GLT8D1: variants seen among roughly 807,000 people sequenced by gnomAD.
GLT8D1 encodes the protein glycosyltransferase 8 domain containing 1.
GLT8D1 carries 41 observed loss-of-function variants against 46.2 expected under a neutral mutation model. The observed-to-expected ratio is 0.89, with a 90% CI of 0.69 to 1.15. The LOEUF is 1.15. GLT8D1 is among the 50% of genes most tolerant of loss of function. GLT8D1 has a pLI of 0.00. For synonymous variants in GLT8D1, 150 were observed against 154.2 expected, an observed-to-expected ratio of 0.97 and a Z score of 0.20; for missense variants, 408 against 449.3, an observed-to-expected ratio of 0.91 and a Z score of 0.83.
At position 52,698,056 on chromosome 3, in the gene GLT8D1, C is replaced by T. The variant is rs1578589299; in HGVS notation, c.116-122G>A. Reference sequence around the variant, plus strand: ...ATCTACCTCATTCTCCCCCATTAAACTGAAGCATATAGCCCTGAAACTTTC... The same window carrying T: ...ATCTACCTCATTCTCCCCCATTAAATTGAAGCATATAGCCCTGAAACTTTC... On this transcript the variant is annotated intron_variant, in intron 3 of 9. Coordinates refer to ENST00000266014, the MANE Select transcript of GLT8D1 (RefSeq NM_018446.4). 25 of 674,548 alleles carry T rather than the reference C, an allele frequency of 3.7e-5. No individual in the cohort carries two copies. In the East Asian group the frequency reaches 6.6e-4, roughly 18 times the overall value. The allele number at this position is 674,548 out of a possible 1,614,324, so 41.8% of individuals were successfully genotyped here.
At chr3:52,698,212 GTT>G (rs1425840133) in intron 3 of GLT8D1, among the ~76,000 whole-genome samples, 1 of 152,162 alleles carries the variant, frequency 6.6e-6, no homozygotes, top group Non-Finnish European at 1.5e-5. Context: ...TGTATCAAGA[GTT>G]TCCTAAGGAC....
At position 52,705,766 on chromosome 3, in the gene GLT8D1, A is replaced by C; in HGVS notation, c.-356T>G. On this transcript the variant is annotated 5_prime_UTR_variant, in exon 1 of 10. Transcript: ENST00000266014. The stretch of plus-strand genomic sequence containing the variant: ...CAGCCAGCCCGCAGCGGTAACCGCT[A>C]GAGCGTCGCGCCAAGCAGGCGCCGC... 1 of 1,122,202 alleles carries C rather than the reference A, an allele frequency of 8.9e-7. No individual in the cohort carries two copies. Among genetic ancestry groups the C allele is most frequent in the Non-Finnish European group, 1.1e-6 (1 of 874,060 alleles). 69.5% of individuals were successfully genotyped at this position (1,122,202 alleles called of 1,614,324 possible).
In GLT8D1 at chr3:52,697,840, G is replaced by C; in HGVS notation, c.210C>G (p.Ile70Met). ...DGRQEEIPVV[I>M]AASEDRLGGA... The stretch of plus-strand genomic sequence containing the variant: ...CCCCAAGCCTGTCTTCAGATGCAGC[G>C]ATGACCACAGGAATCTCCTCTTGTC... The change falls in exon 4 of 10, where the codon ATC becomes ATG. Residue 70 changes from isoleucine (I) to methionine (M), a missense_variant. By Grantham distance (10) the Ile-to-Met change is conservative. Transcript: ENST00000266014. The C allele has an allele frequency of 6.2e-7, 1 of 1,613,046 alleles. No individual in the cohort carries two copies. Among genetic ancestry groups the C allele is most frequent in the Non-Finnish European group, 8.5e-7 (1 of 1,178,996 alleles).
At position 52,694,852 on chromosome 3, in the gene GLT8D1, A is replaced by ATGTT. The variant is rs773435993; in HGVS notation, c.1105_1108dup (p.Ile370LysfsTer30). The ATGTT allele has an allele frequency of 1.2e-6, 2 of 1,604,984 alleles. No individual in the cohort carries two copies. Among genetic ancestry groups the ATGTT allele is most frequent in the East Asian group, 4.5e-5 (2 of 44,818 alleles). Reference sequence around the variant, plus strand: ...TACAGTTCAAATTCTGTTTCACTTTATGTTTGAGATCTCGGTATATCTTCG... The same window carrying ATGTT: ...TACAGTTCAAATTCTGTTTCACTTTATGTTTGTTTGAGATCTCGGTATATCTTCG... On this transcript the variant is annotated frameshift_variant, in exon 10 of 10. Transcript: ENST00000266014. LOFTEE classifies it high-confidence loss of function.
chr3:52,699,514 A>T (rs1405874512), intron 3 of GLT8D1, among the ~76,000 whole-genome samples: 1 of 152,056 alleles, frequency 6.6e-6, no homozygotes. Context: ...TGTACTCCTG[A>T]CCTCGTGATC....
In GLT8D1 at chr3:52,694,995, C is replaced by T; in HGVS notation, c.966G>A (p.Lys322=). Reference sequence around the variant, plus strand: ...CATTCCAATGGAGTAACTTGGCAGCCTTTACAAACTGAGGTGAATATCGTT... The same window carrying T: ...CATTCCAATGGAGTAACTTGGCAGCTTTTACAAACTGAGGTGAATATCGTT... ...AGKRYSPQFV[K]AAKLLHWNGH... Residue 322 remains lysine (K), a synonymous_variant, in exon 10 of 10, where the codon AAG becomes AAA. Transcript: ENST00000266014. 1 of 1,613,138 alleles carries T rather than the reference C, an allele frequency of 6.2e-7. No individual in the cohort carries two copies. The highest frequency in any genetic ancestry group is 8.5e-7 in the Non-Finnish European group (1 of 1,179,072).
chr3:52,704,336 G>A (rs1472938721), intron 1 of GLT8D1, among the ~76,000 whole-genome samples: 1 of 151,760 alleles, frequency 6.6e-6, no homozygotes, highest in Non-Finnish European at 1.5e-5. Flanking sequence ...GCGCATGCCT[G>A]TAATCCCAGC....
chr3:52,698,052 T>C (rs557197388), intron 3 of GLT8D1, 118 bp from the exon 4 acceptor site: 4 of 682,670 alleles, frequency 5.9e-6, no homozygotes, highest in South Asian at 5.0e-5. Context: ...TCTCCCCCAT[T>C]AAACTGAAGC....
In GLT8D1 at chr3:52,702,790, T is replaced by C. The variant is rs2097340469; in HGVS notation, c.-36-2294A>G. ...AAAATACACATCTTTCTTTCTTTCC[T>C]TTTTTTTTTTTTTCGAGACAGAGTC... On this transcript the variant is annotated intron_variant, in intron 1 of 9. Coordinates refer to ENST00000266014, the MANE Select transcript of GLT8D1 (RefSeq NM_018446.4). Among the ~76,000 whole-genome samples, 4 of 139,468 alleles carry C rather than the reference T, an allele frequency of 2.9e-5. No homozygotes were observed. The Admixed American group carries it at 2.9e-4, about 10-fold the overall frequency. 91.5% of individuals were successfully genotyped at this position (139,468 alleles called of 152,430 possible).
rs1163279916 is a variant in GLT8D1, at chr3:52,695,504, A to C, written c.729T>G (p.Pro243=). 4 of 1,612,544 alleles carry C rather than the reference A, an allele frequency of 2.5e-6. No homozygotes were observed. The change falls in exon 8 of 10, where the codon CCT becomes CCG. Residue 243 remains proline (P), a synonymous_variant. Coordinates refer to ENST00000266014, the MANE Select transcript of GLT8D1 (RefSeq NM_018446.4). ...CCGTCAGGTTTGCAACAAAAACTCC[A>C]GGATTAAATGAGCAAGTGCTGGCTT... ...SMKASTCSFN[P]GVFVANLTEW... is the part of the protein sequence containing the mutation.
intron 3 of GLT8D1, among the ~76,000 whole-genome samples, chr3:52,698,590 A>G (rs771016834): frequency 6.6e-6 from 1 of 152,028 alleles, no homozygotes; most frequent in Non-Finnish European, 1.5e-5. Flanking sequence ...CTGAGGCAGG[A>G]GAATCGCTTG....
chr3:52,695,300 T>G lies in GLT8D1; in HGVS notation c.815A>C (p.Glu272Ala). Residue 272 changes from glutamate (E) to alanine (A), a missense_variant and splice_region_variant, in exon 9 of 10, where the codon GAG (glutamate) becomes GCG (alanine). Physicochemically the swap from Glu to Ala is moderately radical, Grantham distance 107. Coordinates refer to ENST00000266014, the MANE Select transcript of GLT8D1 (RefSeq NM_018446.4). ...LEKWMKLNVEEGLYSRTLAGS... is the reference protein window; with the variant it reads ...LEKWMKLNVEAGLYSRTLAGS... ...AGCCAGGGTTCTGCTATACAGTCCC[T>G]CTCTTGGTGGGACAGAAAACAAATG... 6.2e-7 allele frequency: 1 copy of G among 1,602,564 alleles called. No homozygotes were observed. The highest frequency in any genetic ancestry group is 8.5e-7 in the Non-Finnish European group (1 of 1,170,722).
At chr3:52,699,309 G>A (rs764836687) in intron 3 of GLT8D1, among the ~76,000 whole-genome samples, 1 of 150,884 alleles carries the variant, frequency 6.6e-6, no homozygotes, top group Admixed American at 6.6e-5. Context: ...TTCTTGAGAC[G>A]AAGACTCACT....
At chr3:52,698,047 C>T (rs1243953166) in intron 3 of GLT8D1, 113 bp from the exon 4 acceptor site, 17 of 695,340 alleles carry the variant, frequency 2.4e-5, no homozygotes, top group Non-Finnish European at 3.6e-5. Flanking sequence ...CTCATTCTCC[C>T]CCATTAAACT....
intron 4 of GLT8D1, among the ~76,000 whole-genome samples, chr3:52,697,127 T>G (rs2097334563): frequency 6.6e-6 from 1 of 152,254 alleles, no homozygotes; most frequent in African/African-American, 2.4e-5. Flanking sequence ...TTTACAGCTT[T>G]AAAAACTAAA....
chr3:52,700,149 C>A, intron 3 of GLT8D1, 113 bp downstream of exon 3: 1 of 681,144 alleles, frequency 1.5e-6, no homozygotes, highest in Non-Finnish European at 2.6e-6. Flanking sequence ...CAGATCAAAC[C>A]CTTAACAAAC....
At chr3:52,695,378 G>GAAAT (rs757987104) in intron 8 of GLT8D1, 43 bp downstream of exon 8, 6 of 1,592,554 alleles carry the variant, frequency 3.8e-6, no homozygotes, top group Non-Finnish European at 5.2e-6. Flanking sequence ...TCTAGGAATT[G>GAAAT]AAATACAACA....
In GLT8D1 at chr3:52,696,421, G is replaced by A. The variant is rs2097333663; in HGVS notation, c.448-103C>T. 9.6e-6 allele frequency: 10 copies of A among 1,040,408 alleles called. No homozygotes were observed. In the East Asian group the frequency reaches 1.9e-4, roughly 20 times the overall value. The allele number at this position is 1,040,408 out of a possible 1,614,324, so 64.4% of individuals were successfully genotyped here. A position where few individuals can be genotyped will look rare whatever the true frequency, so the allele number is the denominator to read the frequency against. On this transcript the variant is annotated intron_variant, in intron 5 of 9. Coordinates refer to ENST00000266014, the MANE Select transcript of GLT8D1 (RefSeq NM_018446.4). ...TTCAGTACCCATTCAGGAGAAGAAA[G>A]GACTCTTAGAACCACCCAGGCTTGG... is the stretch of plus-strand genomic sequence containing the variant.
In GLT8D1 at chr3:52,696,320, T is replaced by C; in HGVS notation, c.448-2A>G. ...CAAGTAGAACCTTGCAAAGGTTAAC[T>C]GGAAAAGGAAAGAATAATTGGCATA... On this transcript the variant is annotated splice_acceptor_variant, in intron 5 of 9. Coordinates refer to ENST00000266014, the MANE Select transcript of GLT8D1 (RefSeq NM_018446.4). LOFTEE classifies it high-confidence loss of function. 6.3e-7 allele frequency: 1 copy of C among 1,599,592 alleles called. No individual in the cohort carries two copies. The highest frequency in any genetic ancestry group is 8.6e-7 in the Non-Finnish European group (1 of 1,166,726).
Sources: allele counts gnomAD v4.1 joint callset (sites outside exome capture counted in the v4.1 genomes callset), GRCh38; gene constraint gnomAD v4.1.1; transcripts MANE v1.5; gene names NCBI Gene and HGNC (gene_info 2026-07-23, HGNC 2026-07-21).